The following FHIT variants were observed in gnomAD, a reference collection of about 807,000 sequenced individuals.
FHIT encodes the protein fragile histidine triad diadenosine triphosphatase, also known as bis(5'-adenosyl)-triphosphatase.
FHIT carries 19 observed loss-of-function variants against 17.9 expected under a neutral mutation model. The ratio of observed to expected loss-of-function variants is 1.06; its 90% CI spans 0.74 to 1.56. The LOEUF (loss-of-function observed/expected upper bound fraction) is 1.56. FHIT is among the 40% of genes most tolerant of loss of function. The pLI is 0.00. For synonymous variants in FHIT, 81 were observed against 69.7 expected, an observed-to-expected ratio of 1.16 and a Z score of -0.81; for missense variants, 248 against 189.2, an observed-to-expected ratio of 1.31 and a Z score of -1.82.
chr3:59,865,013 T>C (rs564954267), intron 8 of FHIT, among the ~76,000 whole-genome samples: 10 of 152,150 alleles, frequency 6.6e-5, no homozygotes, highest in Non-Finnish European at 1.5e-4. Context: ...TGATCCACAT[T>C]CAGCCTAAAT....
At chr3:60,880,844 T>C (rs1553757813) in intron 3 of FHIT, among the ~76,000 whole-genome samples, 1 of 151,748 alleles carries the variant, frequency 6.6e-6, no homozygotes, top group East Asian at 1.9e-4. Context: ...TAAACCACAA[T>C]GATAAATAAT....
At chr3:59,764,484 C>T (rs895082884) in intron 8 of FHIT, among the ~76,000 whole-genome samples, 5 of 152,306 alleles carry the variant, frequency 3.3e-5, no homozygotes, top group African/African-American at 1.2e-4. Flanking sequence ...TGCTACTCAC[C>T]CGTTGGAAGT....
chr3:60,537,273 C>A (rs570001861), intron 4 of FHIT, among the ~76,000 whole-genome samples: 1 of 152,230 alleles, frequency 6.6e-6, no homozygotes, highest in Non-Finnish European at 1.5e-5. Flanking sequence ...ACGGTGCCAC[C>A]TTAACTCAAA....
chr3:60,405,636 A>G (rs1001797868), intron 5 of FHIT, among the ~76,000 whole-genome samples: 5 of 152,194 alleles, frequency 3.3e-5, no homozygotes, highest in Non-Finnish European at 7.4e-5. Flanking sequence ...GAAGCCTCCT[A>G]CATCGCTAGC....
At chr3:60,856,848 T>C (rs1159441656) in intron 3 of FHIT, among the ~76,000 whole-genome samples, 1 of 152,068 alleles carries the variant, frequency 6.6e-6, no homozygotes, top group East Asian at 1.9e-4. Context: ...CTCAAAACCA[T>C]GTAACATCCT....
intron 2 of FHIT, among the ~76,000 whole-genome samples, chr3:61,148,323 G>A (rs546720951): frequency 1.3e-5 from 2 of 152,120 alleles, no homozygotes; most frequent in East Asian, 3.9e-4. Context: ...CTAAAACAAA[G>A]TATGCAGTTA....
intron 8 of FHIT, among the ~76,000 whole-genome samples, chr3:59,808,006 A>C (rs1425640121): frequency 1.3e-5 from 2 of 152,220 alleles, no homozygotes; most frequent in Admixed American, 1.3e-4. Context: ...AGTGTTGTGC[A>C]AACATCACCG....
chr3:60,743,957 C>A (rs2042289663), intron 4 of FHIT, among the ~76,000 whole-genome samples: 1 of 152,094 alleles, frequency 6.6e-6, no homozygotes, highest in Non-Finnish European at 1.5e-5. Context: ...TTGGAGCTCC[C>A]AGAAGGTTGG....
At chr3:60,915,002 T>G (rs1706928877) in intron 3 of FHIT, among the ~76,000 whole-genome samples, 1 of 152,184 alleles carries the variant, frequency 6.6e-6, no homozygotes, top group Non-Finnish European at 1.5e-5. Context: ...TGCAGGAAAA[T>G]AAGCTCTGAT....
chr3:60,927,984 G>C (rs1033057660), intron 3 of FHIT, among the ~76,000 whole-genome samples: 3 of 152,344 alleles, frequency 2.0e-5, no homozygotes, highest in African/African-American at 7.2e-5. Context: ...TCTGCCTTGG[G>C]ATGCTGTTAA....
chr3:59,894,239 T>C (rs954356138), intron 8 of FHIT, among the ~76,000 whole-genome samples: 13 of 152,166 alleles, frequency 8.5e-5, no homozygotes, highest in African/African-American at 3.1e-4. Context: ...AGTGAGACCC[T>C]TTCTCAAAAA....
intron 4 of FHIT, among the ~76,000 whole-genome samples, chr3:60,565,316 G>C (rs999156039): frequency 6.6e-6 from 1 of 152,048 alleles, no homozygotes; most frequent in East Asian, 1.9e-4. Context: ...GTACCCCTAC[G>C]AGGCATGGAG....
intron 2 of FHIT, among the ~76,000 whole-genome samples, chr3:61,139,458 G>A: frequency 6.6e-6 from 1 of 151,852 alleles, no homozygotes; most frequent in East Asian, 1.9e-4. Context: ...TGTTTTTAGA[G>A]ATGGGACATC....
intron 3 of FHIT, among the ~76,000 whole-genome samples, chr3:60,953,560 C>A (rs1167805121): frequency 6.6e-6 from 1 of 152,146 alleles, no homozygotes; most frequent in Non-Finnish European, 1.5e-5. Flanking sequence ...TCGGAAATGA[C>A]TGGACTTGGC....
At chr3:60,456,878 G>A (rs1271775733) in intron 5 of FHIT, among the ~76,000 whole-genome samples, 1 of 152,100 alleles carries the variant, frequency 6.6e-6, no homozygotes, top group Admixed American at 6.6e-5. Context: ...TACAAGAGAG[G>A]TGAAGGACCT....
chr3:60,363,652 C>A (rs1404852629), intron 5 of FHIT, among the ~76,000 whole-genome samples: 1 of 152,036 alleles, frequency 6.6e-6, no homozygotes, highest in Non-Finnish European at 1.5e-5. Context: ...CACTGTAAAG[C>A]CTCTGCGCTG....
chr3:61,021,413 A>C (rs1482476581), intron 3 of FHIT, among the ~76,000 whole-genome samples: 1 of 143,870 alleles, frequency 7.0e-6, no homozygotes, highest in African/African-American at 2.5e-5. Context: ...TCCCAGCTAA[A>C]ACGGTGAAAC....
At chr3:60,027,680 G>A (rs1262001936) in intron 5 of FHIT, among the ~76,000 whole-genome samples, 4 of 149,632 alleles carry the variant, frequency 2.7e-5, no homozygotes, top group African/African-American at 9.9e-5. Context: ...CCCTGAAAAC[G>A]TACTCTTAAC....
chr3:61,043,162 C>T (rs2033608319), intron 2 of FHIT, among the ~76,000 whole-genome samples: 1 of 152,194 alleles, frequency 6.6e-6, no homozygotes, highest in Non-Finnish European at 1.5e-5. Context: ...GGCATTGCCT[C>T]ACCCAGGCAG....
Sources: allele counts gnomAD v4.1 joint callset (sites outside exome capture counted in the v4.1 genomes callset), GRCh38; gene constraint gnomAD v4.1.1; transcripts MANE v1.5; gene names NCBI Gene and HGNC (gene_info 2026-07-23, HGNC 2026-07-21).